The following B3GALT5 variants were observed in gnomAD, a reference collection of about 807,000 sequenced individuals.
The protein encoded by B3GALT5 is UDP-Gal:betaGlcNAc beta 1,3-galactosyltransferase, polypeptide 5.
For synonymous variants in B3GALT5, 156 were observed against 158.6 expected, an observed-to-expected ratio of 0.98 and a Z score of 0.12; for missense variants, 328 against 396.6, an observed-to-expected ratio of 0.83 and a Z score of 1.47.
rs368797408 is a variant in B3GALT5, at chr21:39,619,286, C to G, written c.-392+6219C>G. On this transcript the variant is annotated intron_variant, in intron 1 of 3. Transcript: ENST00000684187. Reference sequence around the variant, plus strand: ...TGCAGATACATCCTAAAGATTCTGTCTGTGTCCTTACATGCAGAAAGAGAT... The same window carrying G: ...TGCAGATACATCCTAAAGATTCTGTGTGTGTCCTTACATGCAGAAAGAGAT... Among the ~76,000 whole-genome samples, 13 of 152,288 alleles carry G rather than the reference C, an allele frequency of 8.5e-5. No homozygotes were observed. The East Asian group carries it at 2.3e-3, about 27-fold the overall frequency.
chr21:39,627,753 T>A (rs1282776256), intron 1 of B3GALT5, among the ~76,000 whole-genome samples: 1 of 152,192 alleles, frequency 6.6e-6, no homozygotes, highest in Non-Finnish European at 1.5e-5. Context: ...AAGCATAAGG[T>A]GGAGAGGTGC....
rs771535432 is a variant in B3GALT5 at position 39,661,273 on chromosome 21, C to T, written c.714C>T (p.Tyr238=). 6 of 1,614,174 alleles carry T rather than the reference C, an allele frequency of 3.7e-6. No individual in the cohort carries two copies. The highest frequency in any genetic ancestry group is 1.7e-4 in the Middle Eastern group (1 of 6,060). The part of the protein sequence containing the change: ...QVYNVSKSVP[Y]IKLEDVFVGL... ...ACAATGTCTCCAAGAGCGTCCCATACATTAAACTGGAAGACGTGTTTGTGG... is the reference window on the plus strand; with the variant it reads ...ACAATGTCTCCAAGAGCGTCCCATATATTAAACTGGAAGACGTGTTTGTGG... The change falls in exon 4 of 4, where the codon TAC becomes TAT. Residue 238 remains tyrosine, a synonymous_variant. Transcript: ENST00000684187. This position sits in a 1 kb window ranked among gnomAD's most constrained non-coding sequence, Gnocchi z 4.7.
chr21:39,660,471 G>A (rs2079501252), intron 3 of B3GALT5, 89 bp from the exon 4 acceptor site: 1 of 1,159,452 alleles, frequency 8.6e-7, no homozygotes, highest in African/African-American at 1.6e-5. Flanking sequence ...CCAAAACACG[G>A]GTCTCCTCTC....
intron 2 of B3GALT5, among the ~76,000 whole-genome samples, chr21:39,649,979 C>A (rs1047991587): frequency 1.3e-5 from 2 of 152,162 alleles, no homozygotes; most frequent in African/African-American, 4.8e-5. Context: ...CACGCACCAC[C>A]CTGCTGTGTC....
rs75149393 is a variant in B3GALT5, at chr21:39,616,877, T to C, written c.-392+3810T>C. Among the ~76,000 whole-genome samples, 760 of 152,352 alleles carry C rather than the reference T, an allele frequency of 5.0e-3. 11 individuals are homozygous for C. The highest frequency in any genetic ancestry group is 0.018 in the African/African-American group (734 of 41,586). On this transcript the variant is annotated intron_variant, in intron 1 of 3. Coordinates refer to ENST00000684187, the MANE Select transcript of B3GALT5 (RefSeq NM_001356336.2). The stretch of plus-strand genomic sequence containing the variant: ...TCTCAGGATACACTCAGGTTTTGGA[T>C]TGCCCCCAAATTCAGGATGTAACTT...
Position 39,667,440 on chromosome 21 carries a change from C to T in B3GALT5, c.*5948C>T, listed in dbSNP as rs538731130. 1 of 152,328 alleles carries T rather than the reference C, an allele frequency of 6.6e-6. No individual in the cohort carries two copies. The highest frequency in any genetic ancestry group is 1.5e-5 in the Non-Finnish European group (1 of 68,024). 9.4% of individuals were successfully genotyped at this position (152,328 alleles called of 1,614,324 possible). On this transcript the variant is annotated 3_prime_UTR_variant, in exon 4 of 4. Transcript: ENST00000684187. ...TTTCATAAGTAATTTATTAAAATTC[C>T]TTCCTAAGCTTTAAATTTCAGCTAA...
rs4818066 is a variant in B3GALT5 at position 39,665,872 on chromosome 21, A to G, written c.*4380A>G. 0.71 allele frequency: 107,593 copies of G among 152,062 alleles called. 39,589 individuals are homozygous for G. The highest frequency in any genetic ancestry group is 0.82 in the Middle Eastern group (240 of 294). The allele number at this position is 152,062 out of a possible 1,614,324, so 9.4% of individuals were successfully genotyped here. On this transcript the variant is annotated 3_prime_UTR_variant, in exon 4 of 4. Transcript: ENST00000684187. ...ATATTTTATGGTTTATGTTTCACGCAACTTGAATGTAACCTTTGTGTGGGC... is the reference window on the plus strand; with the variant it reads ...ATATTTTATGGTTTATGTTTCACGCGACTTGAATGTAACCTTTGTGTGGGC...
At chr21:39,643,591 T>C (rs2079310373) in intron 1 of B3GALT5, among the ~76,000 whole-genome samples, 1 of 152,240 alleles carries the variant, frequency 6.6e-6, no homozygotes. Flanking sequence ...TTGCGTTTCC[T>C]CTTTCATTTG....
intron 2 of B3GALT5, among the ~76,000 whole-genome samples, chr21:39,653,582 A>C (rs1602295058): frequency 6.6e-6 from 1 of 152,230 alleles, no homozygotes; most frequent in East Asian, 1.9e-4. Context: ...TACACCCGCT[A>C]GGTGTTTTGT....
chr21:39,669,615 T>C lies in B3GALT5; in HGVS notation c.*8123T>C, dbSNP rs933834618. On this transcript the variant is annotated 3_prime_UTR_variant, in exon 4 of 4. Transcript: ENST00000684187. Reference sequence around the variant, plus strand: ...CCTTCTCTGTGGGCATCGTAAGCCATGTCCATCCATACCTGCTGTTTCACT... The same window carrying C: ...CCTTCTCTGTGGGCATCGTAAGCCACGTCCATCCATACCTGCTGTTTCACT... The C allele has an allele frequency of 6.6e-6, 1 of 152,148 alleles. No homozygotes were observed. The allele number at this position is 152,148 out of a possible 1,614,324, so 9.4% of individuals were successfully genotyped here.
Position 39,667,123 on chromosome 21 carries a change from T to C in B3GALT5, c.*5631T>C, listed in dbSNP as rs1602316382. The C allele has an allele frequency of 6.6e-6, 1 of 152,234 alleles. No individual in the cohort carries two copies. The highest frequency in any genetic ancestry group is 1.5e-5 in the Non-Finnish European group (1 of 68,058). The allele number at this position is 152,234 out of a possible 1,614,324, so 9.4% of individuals were successfully genotyped here. A position where few individuals can be genotyped will look rare whatever the true frequency, so the allele number is the denominator to read the frequency against. On this transcript the variant is annotated 3_prime_UTR_variant, in exon 4 of 4. Coordinates refer to ENST00000684187, the MANE Select transcript of B3GALT5 (RefSeq NM_001356336.2). The stretch of plus-strand genomic sequence containing the variant: ...CACCTCCCTGGAGGCTGCAGGAGGG[T>C]GAGCGTGGTCAAGAGCAGCAATTTT...
intron 1 of B3GALT5, among the ~76,000 whole-genome samples, chr21:39,643,927 T>C (rs1405030011): frequency 6.6e-6 from 1 of 152,158 alleles, no homozygotes; most frequent in Non-Finnish European, 1.5e-5. Flanking sequence ...TTGACACTGA[T>C]AGTTCTGTCA....
chr21:39,634,382 G>A (rs2079212288), intron 1 of B3GALT5, among the ~76,000 whole-genome samples: 1 of 152,156 alleles, frequency 6.6e-6, no homozygotes, highest in Non-Finnish European at 1.5e-5. Flanking sequence ...GTGGGAAAAC[G>A]TTGGGAGCTG....
At chr21:39,622,528 A>T (rs2079139363) in intron 1 of B3GALT5, among the ~76,000 whole-genome samples, 1 of 152,036 alleles carries the variant, frequency 6.6e-6, no homozygotes, top group Non-Finnish European at 1.5e-5. Context: ...TTTTTGCCTT[A>T]CATAGCTGCA....
At chr21:39,616,368 C>G (rs772613864) in intron 1 of B3GALT5, among the ~76,000 whole-genome samples, 1 of 152,156 alleles carries the variant, frequency 6.6e-6, no homozygotes, top group Non-Finnish European at 1.5e-5. Context: ...CGTTCCGTCT[C>G]CTTGTCATTG....
rs1294196104 is a variant in B3GALT5, at chr21:39,670,406, C to T, written c.*8914C>T. 2 of 152,194 alleles carry T rather than the reference C, an allele frequency of 1.3e-5. No homozygotes were observed. The highest frequency in any genetic ancestry group is 1.5e-5 in the Non-Finnish European group (1 of 68,046). 9.4% of individuals were successfully genotyped at this position (152,194 alleles called of 1,614,324 possible). A position where few individuals can be genotyped will look rare whatever the true frequency, so the allele number is the denominator to read the frequency against. On this transcript the variant is annotated 3_prime_UTR_variant, in exon 4 of 4. Transcript: ENST00000684187. Reference sequence around the variant, plus strand: ...CCTGGGATGTAAAACAGCAGGCACCCCCACTGCCCTCCTCAGCTGTTGGGG... The same window carrying T: ...CCTGGGATGTAAAACAGCAGGCACCTCCACTGCCCTCCTCAGCTGTTGGGG...
At chr21:39,647,930 A>G (rs2079356977) in intron 2 of B3GALT5, among the ~76,000 whole-genome samples, 1 of 152,116 alleles carries the variant, frequency 6.6e-6, no homozygotes, top group South Asian at 2.1e-4. Context: ...AAATTTTCGG[A>G]ATTTTCTAAT....
At chr21:39,646,103 G>A (rs1330988325) in intron 1 of B3GALT5, among the ~76,000 whole-genome samples, 1 of 151,964 alleles carries the variant, frequency 6.6e-6, no homozygotes, top group African/African-American at 2.4e-5. Context: ...CAGAGAATGC[G>A]TGGTGCGACC....
chr21:39,645,643 C>G (rs1966482561), intron 1 of B3GALT5, among the ~76,000 whole-genome samples: 1 of 152,142 alleles, frequency 6.6e-6, no homozygotes, highest in South Asian at 2.1e-4. Flanking sequence ...CCAGCAGCAC[C>G]TCCTGGACTA....
Sources: gnomAD v4.1 joint callset for allele counts (sites outside exome capture counted in the v4.1 genomes callset) on GRCh38, gnomAD v4.1.1 for gene constraint, Gnocchi (gnomAD v3.1) non-coding constraint, MANE v1.5 for transcripts, NCBI Gene and HGNC (gene_info 2026-07-23, HGNC 2026-07-21) for gene names.